Variants in FOXP1 observed in about 807,000 individuals in gnomAD.
FOXP1 encodes the protein forkhead box P1.
A neutral mutation model predicts 98.2 loss-of-function variants in FOXP1; 15 were observed. The observed-to-expected ratio is 0.15, with a 90% confidence interval of 0.10 to 0.24. The LOEUF is 0.24. Among genes scored for constraint, FOXP1 ranks in the 10% least tolerant of loss-of-function variants. The pLI is 1.00. For missense variants in FOXP1, 633 were observed against 848.5 expected (o/e 0.75, Z 3.15); for synonymous variants, 371 against 314.5 (o/e 1.18, Z -1.90).
intron 19 of FOXP1, 152 bp from the exon 20 acceptor site, chr3:70,966,208 T>G (rs2034731617): frequency 1.3e-6 from 1 of 771,070 alleles, no homozygotes; most frequent in South Asian, 1.5e-5. Flanking sequence ...AGATTTTGCT[T>G]TAAAAACGAC....
At chr3:71,547,073 G>T (rs1159665807) in intron 2 of FOXP1, among the ~76,000 whole-genome samples, 1 of 152,198 alleles carries the variant, frequency 6.6e-6, no homozygotes, top group African/African-American at 2.4e-5. Flanking sequence ...TGTCACTGCT[G>T]TCAGTTTTAG....
At chr3:71,515,108 C>T (rs894008058) in intron 2 of FOXP1, among the ~76,000 whole-genome samples, 5 of 152,096 alleles carry the variant, frequency 3.3e-5, no homozygotes, top group South Asian at 2.1e-4. Context: ...GTGAATTTTA[C>T]GACAGACCTC....
At chr3:71,064,797 C>T in intron 7 of FOXP1, 5 of 984,862 alleles carry the variant, frequency 5.1e-6, no homozygotes, top group Non-Finnish European at 6.0e-6. Context: ...AGAGCGAAAC[C>T]GGCAAAGATC....
chr3:70,959,408 GAGGTTC>G lies in FOXP1; in HGVS notation c.1890-23_1890-18del. The G allele has an allele frequency of 6.2e-7, 1 of 1,613,990 alleles. No individual in the cohort carries two copies. The highest frequency in any genetic ancestry group is 8.5e-7 in the Non-Finnish European group (1 of 1,179,972). ...ACAGGATGCCTGGAAAAAATATGCA[GAGGTTC>G]AGTGAGGGTACTTCCCAGCCCATTG... On this transcript the variant is annotated intron_variant, in intron 20 of 20. Coordinates refer to ENST00000649528, the MANE Select transcript of FOXP1 (RefSeq NM_001349338.3).
chr3:71,340,473 C>T (rs1350582124), intron 4 of FOXP1, among the ~76,000 whole-genome samples: 4 of 152,054 alleles, frequency 2.6e-5, no homozygotes, highest in Admixed American at 1.3e-4. Context: ...CACGTGGCCT[C>T]CACACAGAAA....
chr3:71,521,972 C>A (rs1399814374), intron 2 of FOXP1, among the ~76,000 whole-genome samples: 1 of 152,192 alleles, frequency 6.6e-6, no homozygotes, highest in African/African-American at 2.4e-5. Context: ...TGATTTGGTA[C>A]ATTTTCAGAT....
At chr3:71,306,304 G>A (rs2074268862) in intron 4 of FOXP1, among the ~76,000 whole-genome samples, 1 of 152,030 alleles carries the variant, frequency 6.6e-6, no homozygotes, top group South Asian at 2.1e-4. Flanking sequence ...CGTGGGGCGG[G>A]GGGGAGTGCT....
At chr3:71,576,461 G>A (rs1474571826) in intron 2 of FOXP1, among the ~76,000 whole-genome samples, 1 of 152,170 alleles carries the variant, frequency 6.6e-6, no homozygotes, top group African/African-American at 2.4e-5. Context: ...AGTTCCATTT[G>A]AGTAGACCTG....
chr3:71,485,783 A>AC lies in FOXP1; in HGVS notation c.-168+7642_-168+7643insG, dbSNP rs1251185642. ...AAAGAGACTCCATCAAAAAAAAAAAAAAAAGAACCACAGAAATAATGCAGT... is the reference window on the plus strand; with the variant it reads ...AAAGAGACTCCATCAAAAAAAAAAAACAAAAGAACCACAGAAATAATGCAGT... On this transcript the variant is annotated intron_variant, in intron 3 of 20. Transcript: ENST00000649528. Among the ~76,000 whole-genome samples the AC allele has an allele frequency of 3.3e-5, 5 of 152,078 alleles. No homozygotes were observed. In the East Asian group the frequency reaches 9.6e-4, roughly 29 times the overall value.
At chr3:71,024,946 T>C (rs2045920322) in intron 11 of FOXP1, among the ~76,000 whole-genome samples, 1 of 152,212 alleles carries the variant, frequency 6.6e-6, no homozygotes, top group Admixed American at 6.5e-5. Flanking sequence ...CCTCAGGGCA[T>C]GGCTCATGGC....
intron 18 of FOXP1, chr3:70,972,012 G>A: frequency 3.5e-6 from 5 of 1,429,940 alleles, no homozygotes; most frequent in Non-Finnish European, 4.6e-6. Flanking sequence ...GGCTCTTACT[G>A]TGCGACAAGC....
At chr3:71,395,868 A>T (rs2081340711) in intron 3 of FOXP1, among the ~76,000 whole-genome samples, 1 of 152,112 alleles carries the variant, frequency 6.6e-6, no homozygotes, top group Non-Finnish European at 1.5e-5. Flanking sequence ...CCTGTAATTA[A>T]TGGGGGGGTT....
intron 3 of FOXP1, among the ~76,000 whole-genome samples, chr3:71,421,899 A>T (rs1000593242): frequency 6.6e-6 from 1 of 152,200 alleles, no homozygotes; most frequent in Non-Finnish European, 1.5e-5. Flanking sequence ...GAGCACCTCC[A>T]TGTGAAAAGC....
intron 3 of FOXP1, among the ~76,000 whole-genome samples, chr3:71,374,608 A>AAT (rs1553862724): frequency 3.3e-5 from 5 of 151,744 alleles, no homozygotes; most frequent in African/African-American, 1.2e-4. Context: ...AAAAAAAATA[A>AAT]AAATAAAAAT....
rs1254850955 is a variant in FOXP1, at chr3:70,988,088, G to A, written c.1063-11C>T. The A allele has an allele frequency of 6.2e-7, 1 of 1,613,184 alleles. No homozygotes were observed. The highest frequency in any genetic ancestry group is 1.1e-5 in the South Asian group (1 of 91,060). ...TTTGTCTTTTGCAAGCTGGCAAGAA[G>A]AAAATGCTTTGTTATTTCTCTGAAT... On this transcript the variant is annotated splice_polypyrimidine_tract_variant and intron_variant, in intron 13 of 20. Transcript: ENST00000649528.
intron 13 of FOXP1, among the ~76,000 whole-genome samples, chr3:70,997,298 G>A (rs2041516680): frequency 6.6e-6 from 1 of 152,208 alleles, no homozygotes; most frequent in South Asian, 2.1e-4. Flanking sequence ...TGGTAGTCAA[G>A]TAAGTTAAAA....
At chr3:71,580,279 T>C (rs2048060838) in intron 2 of FOXP1, among the ~76,000 whole-genome samples, 1 of 149,920 alleles carries the variant, frequency 6.7e-6, no homozygotes, top group Non-Finnish European at 1.5e-5. Context: ...ATGTTAAACC[T>C]TTTTTTTTCC....
intron 17 of FOXP1, among the ~76,000 whole-genome samples, chr3:70,976,693 C>G (rs200088006): frequency 6.6e-6 from 1 of 152,282 alleles, no homozygotes; most frequent in African/African-American, 2.4e-5. Flanking sequence ...CATATTCCAA[C>G]CAGAGAGAGA....
chr3:71,519,258 C>CTAAA (rs917109868), intron 2 of FOXP1, among the ~76,000 whole-genome samples: 3 of 152,142 alleles, frequency 2.0e-5, no homozygotes, highest in African/African-American at 7.2e-5. Flanking sequence ...AACTAACTAA[C>CTAAA]TAAATAAATA....
Sources: gnomAD v4.1 joint callset for allele counts (sites outside exome capture counted in the v4.1 genomes callset) on GRCh38, gnomAD v4.1.1 for gene constraint, MANE v1.5 for transcripts, NCBI Gene and HGNC (gene_info 2026-07-23, HGNC 2026-07-21) for gene names.